Variants in NR2F1-AS1 observed in about 807,000 individuals in gnomAD.
The protein encoded by NR2F1-AS1 is NR2F1 regulatory antisense RNA 1.
chr5:93,490,827 A>AGTG (rs1477244058), intron 4 of NR2F1-AS1, among the ~76,000 whole-genome samples: 2 of 117,430 alleles, frequency 1.7e-5, no homozygotes, highest in African/African-American at 6.7e-5. Context: ...TGGTTATGGT[A>AGTG]GTGGTGGTGG....
chr5:93,566,454 A>G (rs1752620021), intron 1 of NR2F1-AS1, among the ~76,000 whole-genome samples: 1 of 152,090 alleles, frequency 6.6e-6, no homozygotes, highest in African/African-American at 2.4e-5. Flanking sequence ...TACAGAAGAG[A>G]AACAAATAGA....
intron 4 of NR2F1-AS1, among the ~76,000 whole-genome samples, chr5:93,486,710 A>C (rs1268620876): frequency 1.3e-5 from 2 of 152,248 alleles, no homozygotes; most frequent in Non-Finnish European, 2.9e-5. Context: ...TATTCCAAAC[A>C]ATAGAAAAAG....
At chr5:93,530,152 C>G (rs186040589) in intron 4 of NR2F1-AS1, among the ~76,000 whole-genome samples, 142 of 139,548 alleles carry the variant, frequency 1.0e-3, no homozygotes, top group African/African-American at 3.6e-3. Flanking sequence ...GCAATCTCAA[C>G]TCACCGCAAC....
chr5:93,559,455 C>A (rs1425106589), intron 2 of NR2F1-AS1, among the ~76,000 whole-genome samples: 3 of 152,148 alleles, frequency 2.0e-5, no homozygotes, highest in Non-Finnish European at 4.4e-5. Flanking sequence ...TTTGTGTTTT[C>A]CTTGGAATAA....
chr5:93,582,947 GC>G, upstream of NR2F1-AS1, among the ~76,000 whole-genome samples: 1 of 149,014 alleles, frequency 6.7e-6, no homozygotes, highest in South Asian at 2.1e-4. Context: ...AGGTAGCTAA[GC>G]GGGGGGGGGA....
intron 4 of NR2F1-AS1, among the ~76,000 whole-genome samples, chr5:93,544,394 C>G (rs1461688709): frequency 1.3e-5 from 2 of 151,806 alleles, no homozygotes; most frequent in African/African-American, 4.8e-5. Context: ...TCTATTATGC[C>G]ATAGAATATA....
intron 4 of NR2F1-AS1, among the ~76,000 whole-genome samples, chr5:93,548,704 A>T (rs1006196302): frequency 6.6e-6 from 1 of 151,482 alleles, no homozygotes; most frequent in Admixed American, 6.8e-5. Flanking sequence ...CTCTACTAAA[A>T]ATACAAAAAA....
chr5:93,571,241 T>C (rs1460115559), intron 1 of NR2F1-AS1: 1 of 151,556 alleles, frequency 6.6e-6, no homozygotes, highest in African/African-American at 2.4e-5. Flanking sequence ...CAGGTCACGA[T>C]TCCATTCGGG....
intron 4 of NR2F1-AS1, among the ~76,000 whole-genome samples, chr5:93,521,372 T>C (rs1213032199): frequency 6.6e-6 from 1 of 152,102 alleles, no homozygotes; most frequent in Non-Finnish European, 1.5e-5. Flanking sequence ...GGAATCTAGG[T>C]ATACTTAAGA....
At chr5:93,557,120 T>G (rs1400136075) in intron 2 of NR2F1-AS1, among the ~76,000 whole-genome samples, 1 of 152,198 alleles carries the variant, frequency 6.6e-6, no homozygotes, top group Non-Finnish European at 1.5e-5. Flanking sequence ...CAGCATCACA[T>G]AATCAAACAT....
At chr5:93,447,705 G>T (rs1749745429) in intron 4 of NR2F1-AS1, among the ~76,000 whole-genome samples, 1 of 152,148 alleles carries the variant, frequency 6.6e-6, no homozygotes. Flanking sequence ...CCATTAATGG[G>T]TATATACCCA....
At chr5:93,552,777 G>C (rs1173917587) in intron 4 of NR2F1-AS1, among the ~76,000 whole-genome samples, 2 of 151,936 alleles carry the variant, frequency 1.3e-5, no homozygotes, top group East Asian at 3.9e-4. Context: ...AATAAAGAGG[G>C]CCAAAGCAAC....
chr5:93,418,398 A>G (rs1327377397), intron 4 of NR2F1-AS1, among the ~76,000 whole-genome samples: 1 of 152,048 alleles, frequency 6.6e-6, no homozygotes, highest in Non-Finnish European at 1.5e-5. Context: ...ACCATCCTGG[A>G]CAACATGGTG....
chr5:93,496,418 C>T (rs1271044758), intron 4 of NR2F1-AS1, among the ~76,000 whole-genome samples: 1 of 152,052 alleles, frequency 6.6e-6, no homozygotes, highest in Non-Finnish European at 1.5e-5. Flanking sequence ...ATAGCTTGGC[C>T]CTTGTAGAAG....
intron 4 of NR2F1-AS1, among the ~76,000 whole-genome samples, chr5:93,515,457 A>G (rs1289867607): frequency 6.6e-6 from 1 of 151,950 alleles, no homozygotes; most frequent in Admixed American, 6.6e-5. Context: ...GTGAGTTCTC[A>G]TAAGATCACA....
intron 1 of NR2F1-AS1, among the ~76,000 whole-genome samples, chr5:93,563,758 T>G (rs1379392132): frequency 6.6e-6 from 1 of 152,090 alleles, no homozygotes; most frequent in Non-Finnish European, 1.5e-5. Context: ...TGTAAGATAA[T>G]TTGACCTAAA....
Position 93,544,612 on chromosome 5 carries a change from G to C in NR2F1-AS1, n.638+9149C>G, listed in dbSNP as rs115019578. 5.6e-3 allele frequency among the ~76,000 whole-genome samples: 849 copies of C among 152,172 alleles called. 5 individuals carry two copies. The highest frequency in any genetic ancestry group is 0.02 in the African/African-American group (814 of 41,522). On this transcript the variant is annotated intron_variant and non_coding_transcript_variant, in intron 4 of 5. Transcript: ENST00000660523. Reference sequence around the variant, plus strand: ...AAATTAGAGTAATTGTTAGTAATTTGTAATAGCCATGCAAAAAAATGAGTT... The same window carrying C: ...AAATTAGAGTAATTGTTAGTAATTTCTAATAGCCATGCAAAAAAATGAGTT...
At chr5:93,452,682 C>T (rs930176818) in intron 4 of NR2F1-AS1, among the ~76,000 whole-genome samples, 4 of 152,146 alleles carry the variant, frequency 2.6e-5, no homozygotes, top group African/African-American at 9.7e-5. Flanking sequence ...TCACATAGAG[C>T]TAAGAATTAA....
At chr5:93,523,371 C>T (rs1751544228) in intron 4 of NR2F1-AS1, among the ~76,000 whole-genome samples, 1 of 152,202 alleles carries the variant, frequency 6.6e-6, no homozygotes, top group Admixed American at 6.5e-5. Context: ...ACATCAAACT[C>T]ACATCTCCCT....
Sources: gnomAD v4.1 joint callset for allele counts (sites outside exome capture counted in the v4.1 genomes callset) on GRCh38, gnomAD v4.1.1 for gene constraint, MANE v1.5 for transcripts, NCBI Gene and HGNC (gene_info 2026-07-23, HGNC 2026-07-21) for gene names.